The following STXBP5 variants were observed in gnomAD, a reference collection of about 807,000 sequenced individuals.
STXBP5 encodes the protein syntaxin-binding protein 5.
In STXBP5, 50 loss-of-function variants were observed where a neutral mutation model predicts 152.4. That is an observed-to-expected ratio of 0.33 (90% confidence interval 0.26 to 0.42). STXBP5 has a LOEUF of 0.42. Ranked by LOEUF, STXBP5 falls within the 10% of genes least tolerant of loss-of-function variation. The pLI, the probability that STXBP5 is intolerant of heterozygous loss-of-function variation, is 1.00. For missense variants in STXBP5, 1,167 were observed against 1,388.6 expected (o/e 0.84, Z 2.54); for synonymous variants, 492 against 494.7 (o/e 0.99, Z 0.07).
chr6:147,264,078 A>T lies in STXBP5; in HGVS notation c.630+1725A>T, dbSNP rs577581265. 7.9e-4 allele frequency among the ~76,000 whole-genome samples: 119 copies of T among 150,818 alleles called. 1 individual carries two copies. The highest frequency in any genetic ancestry group is 1.5e-3 in the Non-Finnish European group (103 of 67,612). On this transcript the variant is annotated intron_variant, in intron 6 of 27. Transcript: ENST00000321680. The stretch of plus-strand genomic sequence containing the variant: ...ATAATGAGGATGGAGTAAATAAGTT[A>T]TATATATATATAAAATTTAAAAAAT...
chr6:147,235,706 A>G (rs1403305953), intron 3 of STXBP5, among the ~76,000 whole-genome samples: 1 of 152,136 alleles, frequency 6.6e-6, no homozygotes, highest in African/African-American at 2.4e-5. Context: ...TTGAAATACA[A>G]CCAAGAAACC....
At chr6:147,349,556 T>C (rs1205066732) in intron 21 of STXBP5, among the ~76,000 whole-genome samples, 3 of 152,190 alleles carry the variant, frequency 2.0e-5, no homozygotes, top group Non-Finnish European at 4.4e-5. Flanking sequence ...TTCGTGAAAA[T>C]GTACAAAGTC....
chr6:147,299,817 G>A (rs1208441969), intron 9 of STXBP5, among the ~76,000 whole-genome samples: 2 of 152,004 alleles, frequency 1.3e-5, no homozygotes, highest in Non-Finnish European at 2.9e-5. Flanking sequence ...GGAAGTCTTA[G>A]CCAGAGCAAT....
chr6:147,360,970 T>C (rs1785038325), intron 23 of STXBP5, among the ~76,000 whole-genome samples: 1 of 152,206 alleles, frequency 6.6e-6, no homozygotes. Context: ...TTACATTAAA[T>C]AATCAGTTTA....
chr6:147,319,101 G>C (rs1782784140), intron 16 of STXBP5, among the ~76,000 whole-genome samples: 1 of 151,996 alleles, frequency 6.6e-6, no homozygotes, highest in Admixed American at 6.6e-5. Context: ...ATGATCTTTA[G>C]AAATGTTTGT....
intron 21 of STXBP5, among the ~76,000 whole-genome samples, chr6:147,344,219 C>G (rs1312826754): frequency 6.6e-6 from 1 of 152,028 alleles, no homozygotes; most frequent in East Asian, 1.9e-4. Flanking sequence ...TTTCATATTC[C>G]TGTACTTACT....
At chr6:147,361,269 A>G (rs1032535746) in intron 23 of STXBP5, among the ~76,000 whole-genome samples, 2 of 152,184 alleles carry the variant, frequency 1.3e-5, no homozygotes, top group Admixed American at 6.5e-5. Context: ...AATGTTTCCA[A>G]TAAATGAAAA....
At chr6:147,310,807 G>T (rs963787678) in intron 10 of STXBP5, among the ~76,000 whole-genome samples, 9 of 152,066 alleles carry the variant, frequency 5.9e-5, no homozygotes, top group African/African-American at 1.9e-4. Flanking sequence ...TCGTTTAGAG[G>T]GTAATGGGCT....
At chr6:147,268,559 TG>T (rs2128335863) in intron 7 of STXBP5, among the ~76,000 whole-genome samples, 1 of 152,328 alleles carries the variant, frequency 6.6e-6, no homozygotes, top group South Asian at 2.1e-4. Flanking sequence ...GTATACTTTT[TG>T]CTGCTCACTA....
chr6:147,214,242 T>C (rs1317706649), intron 2 of STXBP5, among the ~76,000 whole-genome samples: 1 of 152,234 alleles, frequency 6.6e-6, no homozygotes, highest in Admixed American at 6.5e-5. Context: ...GTATTATCAT[T>C]CTTAATATTT....
At chr6:147,319,311 C>T (rs1408915885) in intron 16 of STXBP5, among the ~76,000 whole-genome samples, 1 of 151,862 alleles carries the variant, frequency 6.6e-6, no homozygotes, top group Non-Finnish European at 1.5e-5. Flanking sequence ...TTTGATTAGC[C>T]TGGAATTATT....
rs966567955 is a variant in STXBP5, at chr6:147,229,287, CT to C, written c.249-5955del. Reference sequence around the variant, plus strand: ...TGTTTGCTTGCCTTAAATTCATTGCCTTTTTTTTATTACCTATTCATATATG... The same window carrying C: ...TGTTTGCTTGCCTTAAATTCATTGCCTTTTTTTATTACCTATTCATATATG... On this transcript the variant is annotated intron_variant, in intron 2 of 27. Coordinates refer to ENST00000321680, the MANE Select transcript of STXBP5 (RefSeq NM_001127715.4). Among the ~76,000 whole-genome samples, 28 of 151,434 alleles carry C rather than the reference CT, an allele frequency of 1.8e-4. 1 individual carries two copies. Among genetic ancestry groups the C allele is most frequent in the South Asian group, 4.2e-4 (2 of 4,798 alleles).
At chr6:147,223,228 G>A (rs996393307) in intron 2 of STXBP5, among the ~76,000 whole-genome samples, 1 of 152,196 alleles carries the variant, frequency 6.6e-6, no homozygotes, top group Non-Finnish European at 1.5e-5. Context: ...TATCAAGTAG[G>A]TGCAACTATG....
At chr6:147,239,957 T>G (rs77232917) in intron 4 of STXBP5, among the ~76,000 whole-genome samples, 1 of 151,982 alleles carries the variant, frequency 6.6e-6, no homozygotes, top group African/African-American at 2.4e-5. Context: ...TTTTTTTTTT[T>G]TCTGAGACCT....
At chr6:147,328,635 C>T (rs1783395846) in intron 18 of STXBP5, 3 of 450,068 alleles carry the variant, frequency 6.7e-6, no homozygotes, top group South Asian at 5.0e-5. Context: ...ATTGTTGTCC[C>T]AACCATACCA....
intron 21 of STXBP5, among the ~76,000 whole-genome samples, chr6:147,352,485 C>T (rs1784633143): frequency 1.3e-5 from 2 of 152,152 alleles, no homozygotes; most frequent in South Asian, 2.1e-4. Context: ...GTGGCTTGCA[C>T]GTGTAATCCC....
chr6:147,327,931 TAATTC>T (rs1338443776), intron 18 of STXBP5, among the ~76,000 whole-genome samples: 2 of 152,248 alleles, frequency 1.3e-5, no homozygotes, highest in Admixed American at 1.3e-4. Flanking sequence ...TTAAACGATT[TAATTC>T]AAAGGAATCA....
chr6:147,221,416 T>A (rs993562856), intron 2 of STXBP5, among the ~76,000 whole-genome samples: 7 of 152,246 alleles, frequency 4.6e-5, no homozygotes, highest in African/African-American at 1.7e-4. Context: ...TCTATGTCAT[T>A]TTCTTTAAGA....
At chr6:147,259,865 A>G (rs886679303) in intron 4 of STXBP5, among the ~76,000 whole-genome samples, 1 of 152,146 alleles carries the variant, frequency 6.6e-6, no homozygotes, top group Admixed American at 6.5e-5. Flanking sequence ...TTGCCTTGAA[A>G]TTAAATGAGC....
Sources: allele counts gnomAD v4.1 joint callset (sites outside exome capture counted in the v4.1 genomes callset), GRCh38; gene constraint gnomAD v4.1.1; transcripts MANE v1.5; gene names NCBI Gene and HGNC (gene_info 2026-07-23, HGNC 2026-07-21).